Variants in ATG13 observed in about 807,000 individuals in gnomAD.
ATG13 encodes the protein autophagy-related protein 13.
A neutral mutation model predicts 65.5 loss-of-function variants in ATG13; 23 were observed. The observed-to-expected ratio is 0.35, with a 90% confidence interval of 0.25 to 0.50. The LOEUF is 0.50. Ranked by LOEUF, ATG13 falls within the 20% of genes least tolerant of loss-of-function variation. The pLI, the probability that ATG13 is intolerant of heterozygous loss-of-function variation, is 0.98. For missense variants in ATG13, 566 were observed against 677.0 expected (o/e 0.84, Z 1.82); for synonymous variants, 252 against 245.2 (o/e 1.03, Z -0.26).
chr11:46,671,639 A>C (rs991192707), intron 18 of ATG13, among the ~76,000 whole-genome samples: 47 of 152,222 alleles, frequency 3.1e-4, no homozygotes, highest in African/African-American at 1.1e-3. Flanking sequence ...GCTACTCAGG[A>C]GGCTGAGGCA....
At chr11:46,672,177 C>A in intron 18 of ATG13, 78 bp from the exon 19 acceptor site, 1 of 1,604,882 alleles carries the variant, frequency 6.2e-7, no homozygotes, top group Non-Finnish European at 8.5e-7. Context: ...CTTGCTGCCT[C>A]CCCTCTTCGG....
chr11:46,619,820 G>T (rs1272423902), intron 1 of ATG13, among the ~76,000 whole-genome samples: 1 of 151,746 alleles, frequency 6.6e-6, no homozygotes, highest in Admixed American at 6.6e-5. Flanking sequence ...ATGAGGTCAG[G>T]AGTTCAAGAC....
intron 2 of ATG13, among the ~76,000 whole-genome samples, chr11:46,643,428 C>G (rs2056692273): frequency 6.6e-6 from 1 of 152,130 alleles, no homozygotes. Flanking sequence ...TATCTGCTGG[C>G]TCAGGACGTC....
intron 7 of ATG13, among the ~76,000 whole-genome samples, chr11:46,654,817 G>A (rs566443443): frequency 6.6e-6 from 1 of 152,024 alleles, no homozygotes; most frequent in Non-Finnish European, 1.5e-5. Flanking sequence ...CCGAAAAACA[G>A]GCCAGGCATG....
chr11:46,668,644 G>A (rs1565627194), intron 16 of ATG13, 68 bp downstream of exon 16: 2 of 1,556,632 alleles, frequency 1.3e-6, no homozygotes, highest in Non-Finnish European at 8.9e-7. Flanking sequence ...CTGAGCCAGA[G>A]TCACTAATCC....
At chr11:46,667,929 C>A in intron 15 of ATG13, 42 bp downstream of exon 15, 1 of 1,508,878 alleles carries the variant, frequency 6.6e-7, no homozygotes. Context: ...TGTCTGAGTT[C>A]TTAGAGTAAG....
At chr11:46,665,869 A>G (rs2062230457) in intron 14 of ATG13, among the ~76,000 whole-genome samples, 2 of 143,648 alleles carry the variant, frequency 1.4e-5, no homozygotes, top group South Asian at 2.3e-4. Flanking sequence ...CAGTGGTACA[A>G]TCATGGCTTA....
At position 46,669,408 on chromosome 11, in the gene ATG13, C is replaced by A. The variant is rs774878360; in HGVS notation, c.1451C>A (p.Pro484Gln). The change falls in exon 18 of 19, where the codon CCA becomes CAA. Residue 484 changes from proline (P) to glutamine (Q), a missense_variant. Transcript: ENST00000683050. ...GACTCTGTCTTGTTTTTGAAGAAAC[C>A]AGCTTTTTCTAAAGATGACATTCTT... ...HDDFVMIDFK[P>Q]AFSKDDILPM... 6.2e-7 allele frequency: 1 copy of A among 1,613,934 alleles called. No homozygotes were observed. Among genetic ancestry groups the A allele is most frequent in the Non-Finnish European group, 8.5e-7 (1 of 1,179,926 alleles).
intron 18 of ATG13, among the ~76,000 whole-genome samples, chr11:46,670,349 C>T (rs951133405): frequency 2.6e-5 from 4 of 151,486 alleles, no homozygotes; most frequent in Non-Finnish European, 5.9e-5. Context: ...GGCATGGTGG[C>T]GGGCACCTGT....
rs779744424 is a variant in ATG13 at position 46,668,539 on chromosome 11, C to T, written c.1292C>T (p.Ala431Val). 3 of 1,614,108 alleles carry T rather than the reference C, an allele frequency of 1.9e-6. No individual in the cohort carries two copies. The highest frequency in any genetic ancestry group is 1.3e-5 in the African/African-American group (1 of 74,930). The change falls in exon 16 of 19, where the codon GCT (alanine) becomes GTT (valine). Residue 431 changes from alanine (A) to valine (V), a missense_variant. Physicochemically the swap from Ala to Val is moderately conservative, Grantham distance 64. Coordinates refer to ENST00000683050, the MANE Select transcript of ATG13 (RefSeq NM_001346311.2). ...TSLDIPFAMF[A>V]PKNLELEDTD... ...TTGGATATACCCTTTGCCATGTTTG[C>T]TCCCAAGAATTTGGAGCTGGAGGAT...
chr11:46,622,942 G>A (rs930957846), intron 1 of ATG13, among the ~76,000 whole-genome samples: 2 of 152,142 alleles, frequency 1.3e-5, no homozygotes, highest in African/African-American at 4.8e-5. Flanking sequence ...TCTAAGGCAA[G>A]GATATGCTGT....
rs2064025059 is a variant in ATG13 at position 46,672,693 on chromosome 11, G to GC, written c.*365dup. On this transcript the variant is annotated 3_prime_UTR_variant, in exon 19 of 19. Coordinates refer to ENST00000683050, the MANE Select transcript of ATG13 (RefSeq NM_001346311.2). ...CCTGCCTGGGCCTGCCTTGCAGCTG[G>GC]CCCCTTCCCTGCCTGCTGTCACCAT... 1 of 1,367,062 alleles carries GC rather than the reference G, an allele frequency of 7.3e-7. No individual in the cohort carries two copies. Among genetic ancestry groups the GC allele is most frequent in the Non-Finnish European group, 9.7e-7 (1 of 1,032,904 alleles). 84.7% of individuals were successfully genotyped at this position (1,367,062 alleles called of 1,614,324 possible).
chr11:46,642,219 T>G (rs2056253787), intron 2 of ATG13, among the ~76,000 whole-genome samples: 1 of 152,140 alleles, frequency 6.6e-6, no homozygotes, highest in Non-Finnish European at 1.5e-5. Context: ...GTTATCCATG[T>G]TTAAAACTCT....
At chr11:46,640,138 C>T (rs1315045886) in intron 2 of ATG13, among the ~76,000 whole-genome samples, 1 of 152,142 alleles carries the variant, frequency 6.6e-6, no homozygotes, top group African/African-American at 2.4e-5. Context: ...AGCCACTGTG[C>T]CCATGTATTT....
chr11:46,652,188 C>T (rs1479504851), intron 7 of ATG13, among the ~76,000 whole-genome samples: 1 of 152,022 alleles, frequency 6.6e-6, no homozygotes, highest in African/African-American at 2.4e-5. Context: ...GCGGAGGTTG[C>T]AGGGAACCAA....
intron 5 of ATG13, among the ~76,000 whole-genome samples, chr11:46,648,182 C>T (rs924929218): frequency 3.3e-5 from 5 of 151,852 alleles, no homozygotes; most frequent in Non-Finnish European, 5.9e-5. Context: ...TGCAACCTTC[C>T]CCTCCTGGGT....
intron 8 of ATG13, 64 bp from the exon 9 acceptor site, chr11:46,657,031 G>A: frequency 7.4e-7 from 1 of 1,355,328 alleles, no homozygotes; most frequent in South Asian, 1.2e-5. Flanking sequence ...TTCAGGGAAA[G>A]ACGGTCTGGG....
intron 18 of ATG13, among the ~76,000 whole-genome samples, chr11:46,670,745 C>G (rs149333653): frequency 6.6e-6 from 1 of 152,068 alleles, no homozygotes; most frequent in African/African-American, 2.4e-5. Context: ...CTGGGGAAGT[C>G]AATGCTGGAG....
chr11:46,648,338 A>G (rs1434773625), intron 5 of ATG13, among the ~76,000 whole-genome samples: 1 of 152,180 alleles, frequency 6.6e-6, no homozygotes, highest in Non-Finnish European at 1.5e-5. Flanking sequence ...CAGCAATTGT[A>G]ATTCTGAAAA....
Sources: gnomAD v4.1 joint callset for allele counts (sites outside exome capture counted in the v4.1 genomes callset) on GRCh38, gnomAD v4.1.1 for gene constraint, MANE v1.5 for transcripts, NCBI Gene and HGNC (gene_info 2026-07-23, HGNC 2026-07-21) for gene names.